GABRA3: variants seen among roughly 807,000 people sequenced by gnomAD.
The protein encoded by GABRA3 is gamma-aminobutyric acid type A receptor subunit alpha3, also known as gamma-aminobutyric acid receptor subunit alpha-3.
GABRA3 carries 10 observed loss-of-function variants against 30.1 expected under a neutral mutation model. The observed-to-expected ratio is 0.33, with a 90% CI of 0.20 to 0.56. The LOEUF (loss-of-function observed/expected upper bound fraction) is 0.56. Ranked by LOEUF, GABRA3 falls within the 20% of genes least tolerant of loss-of-function variation. The pLI is 0.89. For synonymous variants in GABRA3, 151 were observed against 146.8 expected, an observed-to-expected ratio of 1.03 and a Z score of -0.21; for missense variants, 233 against 392.0, an observed-to-expected ratio of 0.59 and a Z score of 3.42.
At chrX:152,440,470 A>C (rs144112872) in intron 1 of GABRA3, among the ~76,000 whole-genome samples, 4,626 of 112,063 alleles carry the variant, frequency 0.041, 238 homozygotes, top group East Asian at 0.33. Context: ...GCAATTCCTC[A>C]ATGATCTCGA....
intron 1 of GABRA3, among the ~76,000 whole-genome samples, chrX:152,372,633 T>A (rs1397826268): frequency 8.9e-6 from 1 of 111,738 alleles, no homozygotes; most frequent in Non-Finnish European, 1.9e-5. Flanking sequence ...AGAGTGAATT[T>A]TTTCATGAGT....
At chrX:152,277,119 A>G (rs911061465) in intron 4 of GABRA3, among the ~76,000 whole-genome samples, 1 of 111,928 alleles carries the variant, frequency 8.9e-6, no homozygotes, top group African/African-American at 3.2e-5. Flanking sequence ...GTTTTCATCC[A>G]GTCTGTGCCT....
At chrX:152,185,161 T>A (rs1371498579) in intron 9 of GABRA3, among the ~76,000 whole-genome samples, 2 of 111,661 alleles carry the variant, frequency 1.8e-5, no homozygotes. Flanking sequence ...TCCAATGCAC[T>A]TCAAATTTTT....
chrX:152,282,207 A>G (rs1384936530), intron 4 of GABRA3, among the ~76,000 whole-genome samples: 1 of 111,609 alleles, frequency 9.0e-6, no homozygotes, highest in Non-Finnish European at 1.9e-5. Flanking sequence ...TTCCTTAGGA[A>G]AGTATTTTGG....
intron 9 of GABRA3, among the ~76,000 whole-genome samples, chrX:152,173,658 T>C (rs1267205735): frequency 1.8e-5 from 2 of 110,369 alleles, no homozygotes; most frequent in African/African-American, 6.6e-5. Flanking sequence ...AGTTTCTCCA[T>C]TTGGTCAGGC....
intron 4 of GABRA3, among the ~76,000 whole-genome samples, chrX:152,265,247 T>G (rs1453988188): frequency 9.0e-6 from 1 of 111,466 alleles, no homozygotes; most frequent in African/African-American, 3.3e-5. Context: ...TATGTTAGGC[T>G]GCAAAACAAG....
chrX:152,446,777 GTT>G (rs1266587975), intron 1 of GABRA3, among the ~76,000 whole-genome samples: 1 of 111,489 alleles, frequency 9.0e-6, no homozygotes, highest in African/African-American at 3.3e-5. Flanking sequence ...GTCAAGATGG[GTT>G]TGCTCATCCA....
At chrX:152,319,755 C>T (rs1004293317) in intron 3 of GABRA3, among the ~76,000 whole-genome samples, 7 of 111,043 alleles carry the variant, frequency 6.3e-5, no homozygotes, top group South Asian at 7.6e-4. Context: ...GAGATCTGTA[C>T]GGTAAAAGGG....
At chrX:152,383,538 T>C (rs1929208528) in intron 1 of GABRA3, among the ~76,000 whole-genome samples, 1 of 109,982 alleles carries the variant, frequency 9.1e-6, no homozygotes, top group Admixed American at 9.8e-5. Context: ...CATGATCAAC[T>C]GGCATTTATG....
intron 3 of GABRA3, among the ~76,000 whole-genome samples, chrX:152,315,562 C>G (rs1251947825): frequency 9.0e-6 from 1 of 111,457 alleles, no homozygotes; most frequent in Non-Finnish European, 1.9e-5. Flanking sequence ...GGCGTGAAAG[C>G]CCTGCTTGCT....
At chrX:152,390,270 A>C (rs1182717926) in intron 1 of GABRA3, among the ~76,000 whole-genome samples, 1 of 112,183 alleles carries the variant, frequency 8.9e-6, no homozygotes, top group Non-Finnish European at 1.9e-5. Flanking sequence ...ACACAGAGCT[A>C]AAGGATGTGA....
intron 5 of GABRA3, among the ~76,000 whole-genome samples, chrX:152,227,611 A>ATTT (rs1937989360): frequency 3.9e-5 from 4 of 101,728 alleles, no homozygotes; most frequent in Admixed American, 1.1e-4. Context: ...TTTTTTTTTA[A>ATTT]AAAAAAAAGA....
At chrX:152,410,209 T>C (rs1930034878) in intron 1 of GABRA3, among the ~76,000 whole-genome samples, 1 of 111,674 alleles carries the variant, frequency 9.0e-6, no homozygotes. Context: ...ATGAGGGTTA[T>C]CAGACGCAGG....
At chrX:152,387,879 C>A (rs1297387899) in intron 1 of GABRA3, among the ~76,000 whole-genome samples, 1 of 110,763 alleles carries the variant, frequency 9.0e-6, no homozygotes, top group Non-Finnish European at 1.9e-5. Context: ...AATCTTGCAG[C>A]ATGAATAAAA....
chrX:152,196,946 C>T (rs1386858778), intron 8 of GABRA3, among the ~76,000 whole-genome samples: 2 of 112,358 alleles, frequency 1.8e-5, no homozygotes, highest in Admixed American at 9.5e-5. Flanking sequence ...ATACCAAGTA[C>T]ACTCAAGTAT....
intron 6 of GABRA3, among the ~76,000 whole-genome samples, chrX:152,216,881 A>G (rs1286380993): frequency 9.0e-6 from 1 of 111,090 alleles, no homozygotes; most frequent in East Asian, 2.8e-4. Flanking sequence ...CCCTGATTTG[A>G]TCATTACACA....
chrX:152,225,418 GCACACACACACACGCACA>G (rs1303994913), intron 5 of GABRA3, among the ~76,000 whole-genome samples: 3 of 56,029 alleles, frequency 5.4e-5, no homozygotes, highest in Non-Finnish European at 1.1e-4. Context: ...ACACACACAC[GCACACACACACACGCACA>G]CACACACACA....
At chrX:152,385,512 G>T (rs1256938951) in intron 1 of GABRA3, among the ~76,000 whole-genome samples, 1 of 111,793 alleles carries the variant, frequency 8.9e-6, no homozygotes, top group African/African-American at 3.2e-5. Flanking sequence ...AGCCACAAAG[G>T]TTGTGAAAAT....
At chrX:152,311,208 T>C (rs1342495633) in intron 3 of GABRA3, among the ~76,000 whole-genome samples, 1 of 111,653 alleles carries the variant, frequency 9.0e-6, no homozygotes, top group East Asian at 2.8e-4. Context: ...ACTCATTCTA[T>C]GAAGCCAGTA....
Sources: gnomAD v4.1 joint callset for allele counts (sites outside exome capture counted in the v4.1 genomes callset) on GRCh38, gnomAD v4.1.1 for gene constraint, MANE v1.5 for transcripts, NCBI Gene and HGNC (gene_info 2026-07-23, HGNC 2026-07-21) for gene names.